Variants in STXBP5 observed in about 807,000 individuals in gnomAD.
STXBP5 encodes syntaxin-binding protein 5.
STXBP5 carries 50 observed loss-of-function variants against 152.4 expected under a neutral mutation model. The ratio of observed to expected loss-of-function variants is 0.33; its 90% CI spans 0.26 to 0.42. STXBP5 has a LOEUF of 0.42. STXBP5 is among the 10% of genes least tolerant of loss of function. The probability of loss-of-function intolerance (pLI) is 1.00; values close to 1 mark genes in which losing one functional copy is unlikely to be tolerated. For synonymous variants in STXBP5, 492 were observed against 494.7 expected (o/e 0.99, Z 0.07); for missense variants, 1,167 against 1,388.6 (o/e 0.84, Z 2.54).
At chr6:147,244,628 C>T (rs547670319) in intron 4 of STXBP5, among the ~76,000 whole-genome samples, 4 of 152,152 alleles carry the variant, frequency 2.6e-5, no homozygotes, top group South Asian at 4.1e-4. Context: ...CATGCCCTAG[C>T]GTCAATAGCA....
At chr6:147,243,127 A>G (rs190990769) in intron 4 of STXBP5, among the ~76,000 whole-genome samples, 2 of 152,302 alleles carry the variant, frequency 1.3e-5, no homozygotes, top group African/African-American at 2.4e-5. Flanking sequence ...TTGCTGGATC[A>G]TATGCTAGAC....
chr6:147,349,234 A>G (rs1238812620), intron 21 of STXBP5, among the ~76,000 whole-genome samples: 6 of 152,166 alleles, frequency 3.9e-5, no homozygotes, highest in Admixed American at 2.0e-4. Context: ...CACCTTACAC[A>G]AGAGTTGATA....
In STXBP5 at chr6:147,364,041, C is replaced by A; in HGVS notation, c.2956C>A (p.Pro986Thr). The change falls in exon 25 of 28, where the codon CCC (proline) becomes ACC (threonine). Residue 986 changes from proline (P) to threonine (T), a missense_variant. This residue lies in a region of STXBP5 where 833 missense variants were observed against 986.3 expected (regional missense o/e 0.84). Coordinates refer to ENST00000321680, the MANE Select transcript of STXBP5 (RefSeq NM_001127715.4). ...ACCTCTGTTGGATGTGTATTACTTGCCCCTTACCAATATGCGGATAGCCAG... is the reference window on the plus strand; with the variant it reads ...ACCTCTGTTGGATGTGTATTACTTGACCCTTACCAATATGCGGATAGCCAG... ...LRPLLDVYYL[P>T]LTNMRIARTF... The A allele has an allele frequency of 6.2e-7, 1 of 1,613,962 alleles. No individual in the cohort carries two copies. The highest frequency in any genetic ancestry group is 8.5e-7 in the Non-Finnish European group (1 of 1,179,986).
intron 2 of STXBP5, among the ~76,000 whole-genome samples, chr6:147,219,085 T>G (rs572252550): frequency 6.6e-6 from 1 of 152,196 alleles, no homozygotes; most frequent in Non-Finnish European, 1.5e-5. Context: ...GTAGTTTTTA[T>G]GTAGATGTTC....
chr6:147,215,011 A>G (rs929343996), intron 2 of STXBP5, among the ~76,000 whole-genome samples: 4 of 152,218 alleles, frequency 2.6e-5, no homozygotes, highest in African/African-American at 7.2e-5. Flanking sequence ...AGTCTGTAGG[A>G]GTCAGTGAAC....
chr6:147,249,104 G>A (rs749820448), intron 4 of STXBP5, among the ~76,000 whole-genome samples: 5 of 152,200 alleles, frequency 3.3e-5, no homozygotes, highest in African/African-American at 4.8e-5. Flanking sequence ...AGAAAGGGAG[G>A]CAGGAATGCA....
At chr6:147,271,559 CAAA>C (rs1780170803) in intron 7 of STXBP5, among the ~76,000 whole-genome samples, 1 of 151,618 alleles carries the variant, frequency 6.6e-6, no homozygotes, top group Non-Finnish European at 1.5e-5. Context: ...ACCCATGAGT[CAAA>C]GAAGAAAACA....
chr6:147,302,827 C>T (rs1429887522), intron 9 of STXBP5, among the ~76,000 whole-genome samples: 1 of 152,140 alleles, frequency 6.6e-6, no homozygotes, highest in East Asian at 1.9e-4. Context: ...TGGCGTATAA[C>T]ATGTATTTGG....
intron 2 of STXBP5, among the ~76,000 whole-genome samples, chr6:147,213,393 A>G (rs1398935851): frequency 1.3e-5 from 2 of 150,824 alleles, no homozygotes; most frequent in Non-Finnish European, 2.9e-5. Context: ...AGTTGGGACC[A>G]CAGATGTGAG....
At chr6:147,205,167 T>TA (rs1776476441) in intron 1 of STXBP5, among the ~76,000 whole-genome samples, 1 of 150,818 alleles carries the variant, frequency 6.6e-6, no homozygotes, top group Non-Finnish European at 1.5e-5. Flanking sequence ...GGGTTCTTTT[T>TA]ATCATTATGT....
At chr6:147,234,425 A>G (rs962356663) in intron 2 of STXBP5, among the ~76,000 whole-genome samples, 1 of 151,308 alleles carries the variant, frequency 6.6e-6, no homozygotes, top group Non-Finnish European at 1.5e-5. Context: ...TAGAGTGTAG[A>G]CTCTGGAGCC....
At chr6:147,258,608 A>G (rs1779496080) in intron 4 of STXBP5, among the ~76,000 whole-genome samples, 2 of 151,814 alleles carry the variant, frequency 1.3e-5, no homozygotes, top group South Asian at 2.1e-4. Flanking sequence ...TAATCTTTGT[A>G]TTTTTTAATA....
At chr6:147,295,465 A>G (rs1463184586) in intron 9 of STXBP5, among the ~76,000 whole-genome samples, 1 of 152,196 alleles carries the variant, frequency 6.6e-6, no homozygotes, top group Non-Finnish European at 1.5e-5. Context: ...ACACGCACAC[A>G]CAAAAGGACC....
chr6:147,277,862 G>C (rs557200696), intron 7 of STXBP5, among the ~76,000 whole-genome samples: 1 of 152,016 alleles, frequency 6.6e-6, no homozygotes, highest in East Asian at 1.9e-4. Flanking sequence ...GCTGATTTAA[G>C]GAGTAAAGTA....
intron 18 of STXBP5, among the ~76,000 whole-genome samples, chr6:147,328,060 T>C (rs1215311797): frequency 2.0e-5 from 3 of 152,250 alleles, no homozygotes; most frequent in African/African-American, 7.2e-5. Context: ...GAATTCTCTT[T>C]ATAGAGTTCT....
chr6:147,265,358 C>T (rs1779841386), intron 6 of STXBP5, among the ~76,000 whole-genome samples: 1 of 151,784 alleles, frequency 6.6e-6, no homozygotes, highest in South Asian at 2.1e-4. Context: ...TGTTTATATC[C>T]CCAGATTACC....
intron 2 of STXBP5, among the ~76,000 whole-genome samples, chr6:147,221,114 G>A (rs1486872902): frequency 6.6e-6 from 1 of 151,732 alleles, no homozygotes; most frequent in African/African-American, 2.4e-5. Context: ...CTGTTAATCT[G>A]GGTCTACTTT....
At chr6:147,381,086 C>T (rs1011134269) in intron 26 of STXBP5, among the ~76,000 whole-genome samples, 1 of 152,078 alleles carries the variant, frequency 6.6e-6, no homozygotes, top group Non-Finnish European at 1.5e-5. Context: ...GTGAGACTTA[C>T]TCTCATGAGA....
intron 2 of STXBP5, among the ~76,000 whole-genome samples, chr6:147,210,303 TCTTTAA>T (rs1319367230): frequency 1.3e-5 from 2 of 152,208 alleles, no homozygotes; most frequent in African/African-American, 4.8e-5. Context: ...AATTATGTTA[TCTTTAA>T]CTTTTATTGT....
Sources: allele counts gnomAD v4.1 joint callset (sites outside exome capture counted in the v4.1 genomes callset), GRCh38; gene constraint gnomAD v4.1.1; regional missense constraint gnomAD v4.1.1; transcripts MANE v1.5; gene names NCBI Gene and HGNC (gene_info 2026-07-23, HGNC 2026-07-21).